KCNH5: variants seen among roughly 807,000 people sequenced by gnomAD.
KCNH5 encodes voltage-gated delayed rectifier potassium channel KCNH5.
Under a neutral mutation model 96.1 loss-of-function variants are expected in KCNH5, and 46 were observed. The observed-to-expected ratio is 0.48, with a 90% CI of 0.38 to 0.61. The LOEUF is 0.61. Among genes scored for constraint, KCNH5 ranks in the 20% least tolerant of loss-of-function variants. KCNH5 has a pLI of 0.00. For missense variants in KCNH5, 907 were observed against 1,225.8 expected (o/e 0.74, Z 3.88); for synonymous variants, 439 against 449.8 (o/e 0.98, Z 0.30).
Position 62,708,403 on chromosome 14 carries a change from C to G in KCNH5, c.2072G>C (p.Arg691Pro). Residue 691 changes from arginine (R) to proline (P), a missense_variant, in exon 11 of 11, where the codon CGG (arginine) becomes CCG (proline). Coordinates refer to ENST00000322893, the MANE Select transcript of KCNH5 (RefSeq NM_139318.5). ...DVKKEEEERL[R>P]QKNEVTLSIP... ...GCTGAGGGTCACCTCATTCTTCTGC[C>G]GGAGGCGCTCCTCCTCCTCTTTCTT... is the stretch of plus-strand genomic sequence containing the variant. 1 of 1,610,668 alleles carries G rather than the reference C, an allele frequency of 6.2e-7. No individual in the cohort carries two copies. The highest frequency in any genetic ancestry group is 8.5e-7 in the Non-Finnish European group (1 of 1,179,434).
At chr14:62,786,708 A>G (rs139798511) in intron 9 of KCNH5, among the ~76,000 whole-genome samples, 5,889 of 152,206 alleles carry the variant, frequency 0.039, 131 homozygotes, top group South Asian at 0.073. Flanking sequence ...TTCTAACAGC[A>G]TGTGATCATT....
chr14:63,014,343 T>C (rs1380679444), intron 2 of KCNH5, among the ~76,000 whole-genome samples: 1 of 152,154 alleles, frequency 6.6e-6, no homozygotes, highest in African/African-American at 2.4e-5. Flanking sequence ...CAATAAATAC[T>C]GACATAAGAC....
At chr14:62,992,608 A>G (rs1890831031) in intron 4 of KCNH5, among the ~76,000 whole-genome samples, 2 of 151,912 alleles carry the variant, frequency 1.3e-5, no homozygotes, top group Admixed American at 1.3e-4. Flanking sequence ...ACTGTTGGCC[A>G]TTTGTATGTA....
intron 7 of KCNH5, among the ~76,000 whole-genome samples, chr14:62,878,615 A>G (rs1888431561): frequency 6.6e-6 from 1 of 152,228 alleles, no homozygotes; most frequent in South Asian, 2.1e-4. Context: ...TTATAACTCA[A>G]TAAATAAACC....
intron 7 of KCNH5, among the ~76,000 whole-genome samples, chr14:62,915,749 G>A (rs996103190): frequency 2.0e-5 from 3 of 151,932 alleles, no homozygotes; most frequent in African/African-American, 7.3e-5. Flanking sequence ...TCTTTTTATC[G>A]AACATCTACT....
chr14:62,737,753 G>C (rs1020318471), intron 10 of KCNH5, among the ~76,000 whole-genome samples: 1 of 152,004 alleles, frequency 6.6e-6, no homozygotes, highest in Non-Finnish European at 1.5e-5. Context: ...AATCCCAGTC[G>C]AGTACCACTT....
intron 7 of KCNH5, among the ~76,000 whole-genome samples, chr14:62,899,849 A>T (rs1470149357): frequency 7.5e-6 from 1 of 132,860 alleles, no homozygotes; most frequent in East Asian, 2.4e-4. Flanking sequence ...AAAAAAAAAA[A>T]TTGAATTAAA....
chr14:63,026,252 A>G (rs1426169678), intron 1 of KCNH5, among the ~76,000 whole-genome samples: 2 of 152,086 alleles, frequency 1.3e-5, no homozygotes, highest in Admixed American at 6.6e-5. Flanking sequence ...ACCTGAAACT[A>G]TAAAACTGCT....
chr14:62,988,565 C>T (rs1200475084), intron 4 of KCNH5, among the ~76,000 whole-genome samples: 1 of 152,000 alleles, frequency 6.6e-6, no homozygotes, highest in African/African-American at 2.4e-5. Flanking sequence ...AATAAACTGG[C>T]ATCAATTGAT....
chr14:62,994,000 C>T (rs117738543), intron 4 of KCNH5, among the ~76,000 whole-genome samples: 1 of 152,000 alleles, frequency 6.6e-6, no homozygotes, highest in South Asian at 2.1e-4. Context: ...ATTAGTTTAG[C>T]TCTATTGGGT....
rs373477735 is a variant in KCNH5 at position 62,825,860 on chromosome 14, C to A, written c.1570-23279G>T. Among the ~76,000 whole-genome samples, 114 of 151,974 alleles carry A rather than the reference C, an allele frequency of 7.5e-4. 2 individuals are homozygous for A. The East Asian group carries it at 0.013, about 17-fold the overall frequency. On this transcript the variant is annotated intron_variant, in intron 8 of 10. Transcript: ENST00000322893. ...TTCCTCCCTCCTGCCTTCCTGTTTC[C>A]CTTTTTTCTACTATAATGAGAGAAC...
At chr14:62,824,271 G>C (rs113792286) in intron 8 of KCNH5, among the ~76,000 whole-genome samples, 1 of 151,974 alleles carries the variant, frequency 6.6e-6, no homozygotes, top group African/African-American at 2.4e-5. Context: ...ACAGAGACAT[G>C]AGCAAGAGTC....
intron 10 of KCNH5, among the ~76,000 whole-genome samples, chr14:62,714,574 A>G (rs562179847): frequency 6.6e-6 from 1 of 152,290 alleles, no homozygotes; most frequent in African/African-American, 2.4e-5. Flanking sequence ...TGTAATTTAT[A>G]TAGCTTAATT....
At position 62,704,038 on chromosome 14, in the gene KCNH5, A is replaced by G. The variant is rs1884387276; in HGVS notation, c.*3470T>C. The G allele has an allele frequency of 6.6e-6, 1 of 151,882 alleles. No homozygotes were observed. The highest frequency in any genetic ancestry group is 2.1e-4 in the South Asian group (1 of 4,830). 9.4% of individuals were successfully genotyped at this position (151,882 alleles called of 1,614,324 possible). A position where few individuals can be genotyped will look rare whatever the true frequency, so the allele number is the denominator to read the frequency against. ...TCACAGGGTGAACAAAATCTCCTTA[A>G]ACAGAAGGGAAAATGTGATTTTCAT... On this transcript the variant is annotated 3_prime_UTR_variant, in exon 11 of 11. Coordinates refer to ENST00000322893, the MANE Select transcript of KCNH5 (RefSeq NM_139318.5).
At chr14:62,771,454 G>A (rs567131047) in intron 10 of KCNH5, among the ~76,000 whole-genome samples, 25 of 152,140 alleles carry the variant, frequency 1.6e-4, no homozygotes, top group Admixed American at 4.6e-4. Flanking sequence ...GTGAAACCCC[G>A]TCTCTATTAC....
chr14:63,003,472 T>TTATATATATATTTTATATATATTA lies in KCNH5; in HGVS notation c.305-2014_305-2013insTAATATATATAAAATATATATATA, dbSNP rs1189701234. Among the ~76,000 whole-genome samples the TTATATATATATTTTATATATATTA allele has an allele frequency of 3.8e-5, 5 of 132,092 alleles. No homozygotes were observed. In the Admixed American group the frequency reaches 4.4e-4, roughly 12 times the overall value. The allele number at this position is 132,092 out of a possible 152,430, so 86.7% of individuals were successfully genotyped here. A position where few individuals can be genotyped will look rare whatever the true frequency, so the allele number is the denominator to read the frequency against. On this transcript the variant is annotated intron_variant, in intron 3 of 10. Coordinates refer to ENST00000322893, the MANE Select transcript of KCNH5 (RefSeq NM_139318.5). The stretch of plus-strand genomic sequence containing the variant: ...ATATTATATATATATTTTATATATA[T>TTATATATATATTTTATATATATTA]TATATATATTTTATATATATTATAT...
chr14:62,784,864 GAAAT>G (rs931439936), intron 9 of KCNH5, among the ~76,000 whole-genome samples: 16 of 151,970 alleles, frequency 1.1e-4, no homozygotes, highest in African/African-American at 2.7e-4. Flanking sequence ...GTATCATGGG[GAAAT>G]AAAAAGTCTA....
In KCNH5 at chr14:62,708,007, T is replaced by C; in HGVS notation, c.2468A>G (p.Glu823Gly). ...RLKNNMGAHE[E>G]KKEDWNNVTK... is the part of the protein sequence containing the mutation. ...GACATTATTCCAGTCTTCCTTTTTCTCCTCATGGGCTCCCATATTATTCTT... is the reference window on the plus strand; with the variant it reads ...GACATTATTCCAGTCTTCCTTTTTCCCCTCATGGGCTCCCATATTATTCTT... The change falls in exon 11 of 11, where the codon GAG becomes GGG. Residue 823 changes from glutamate (E) to glycine (G), a missense_variant. Physicochemically the swap from Glu to Gly is moderately conservative, Grantham distance 98 (BLOSUM62 -2). This residue lies in a region of KCNH5 where 362 missense variants were observed against 394.4 expected (regional missense o/e 0.92). Coordinates refer to ENST00000322893, the MANE Select transcript of KCNH5 (RefSeq NM_139318.5). 6.2e-7 allele frequency: 1 copy of C among 1,614,210 alleles called. No homozygotes were observed.
chr14:62,867,614 A>T (rs190783813), intron 7 of KCNH5, among the ~76,000 whole-genome samples: 1 of 152,316 alleles, frequency 6.6e-6, no homozygotes, highest in East Asian at 1.9e-4. Flanking sequence ...AGCAGCTAGT[A>T]CATTACTTTA....
Sources: gnomAD v4.1 joint callset for allele counts (sites outside exome capture counted in the v4.1 genomes callset) on GRCh38, gnomAD v4.1.1 for gene constraint, gnomAD v4.1.1 regional missense constraint, MANE v1.5 for transcripts, NCBI Gene and HGNC (gene_info 2026-07-23, HGNC 2026-07-21) for gene names.